ATCAY: variants seen among roughly 807,000 people sequenced by gnomAD.
ATCAY encodes the protein caytaxin.
In ATCAY, 22 loss-of-function variants were observed where a neutral mutation model predicts 47.7. The observed-to-expected ratio is 0.46, with a 90% CI of 0.33 to 0.66. The LOEUF (loss-of-function observed/expected upper bound fraction) is 0.66, where lower values mean the gene tolerates loss of function less well. ATCAY is among the 30% of genes least tolerant of loss of function. The pLI, the probability that ATCAY is intolerant of heterozygous loss-of-function variation, is 0.02. For synonymous variants in ATCAY, 216 were observed against 207.6 expected, an observed-to-expected ratio of 1.04 and a Z score of -0.35; for missense variants, 452 against 515.0, an observed-to-expected ratio of 0.88 and a Z score of 1.18.
At chr19:3,898,734 T>G (rs2038789884) in intron 2 of ATCAY, among the ~76,000 whole-genome samples, 1 of 152,082 alleles carries the variant, frequency 6.6e-6, no homozygotes, top group Non-Finnish European at 1.5e-5. Context: ...CAGGCTGGAG[T>G]GTAGTGGCGT....
chr19:3,898,127 A>G (rs12462810), intron 2 of ATCAY, among the ~76,000 whole-genome samples: 23,482 of 151,898 alleles, frequency 0.15, 1,911 homozygotes, highest in Admixed American at 0.22. Context: ...CCCCAACCCC[A>G]GTGACCACAC....
intron 2 of ATCAY, among the ~76,000 whole-genome samples, chr19:3,891,769 G>C (rs2038720987): frequency 6.6e-6 from 1 of 152,088 alleles, no homozygotes; most frequent in Admixed American, 6.6e-5. Context: ...AGGAGGGTCA[G>C]ATGCAGGGTG....
chr19:3,924,250 T>TGGATGGAG (rs1173598541), intron 12 of ATCAY, among the ~76,000 whole-genome samples: 1 of 150,278 alleles, frequency 6.7e-6, no homozygotes, highest in African/African-American at 2.5e-5. Flanking sequence ...GATGGATGGA[T>TGGATGGAG]GGATGGATGG....
chr19:3,898,805 C>T (rs1025780028), intron 2 of ATCAY, among the ~76,000 whole-genome samples: 1 of 152,074 alleles, frequency 6.6e-6, no homozygotes, highest in Non-Finnish European at 1.5e-5. Context: ...CCTCAGCCTC[C>T]CAAGTAGCTA....
In ATCAY at chr19:3,915,171, A is replaced by C. The variant is rs182768811; in HGVS notation, c.965+1315A>C. Among the ~76,000 whole-genome samples, 3 of 151,816 alleles carry C rather than the reference A, an allele frequency of 2.0e-5. No homozygotes were observed. The East Asian group carries it at 5.8e-4, about 29-fold the overall frequency. Reference sequence around the variant, plus strand: ...TCTTAGCCATTCCTTTTTTAATTTTATTTATTTATTTATTTTTTGAGAAGG... The same window carrying C: ...TCTTAGCCATTCCTTTTTTAATTTTCTTTATTTATTTATTTTTTGAGAAGG... On this transcript the variant is annotated intron_variant, in intron 9 of 12. Transcript: ENST00000450849.
Position 3,910,892 on chromosome 19 carries a change from G to A in ATCAY, c.866+3G>A. ...GCCATCTCTCGCCCTTTCATCAGGT[G>A]AGACGGGGAGGCTGCAACCCAAGTC... is the stretch of plus-strand genomic sequence containing the variant. On this transcript the variant is annotated splice_donor_region_variant and intron_variant, in intron 8 of 12. Coordinates refer to ENST00000450849, the MANE Select transcript of ATCAY (RefSeq NM_033064.5). 2 of 1,614,000 alleles carry A rather than the reference G, an allele frequency of 1.2e-6. No homozygotes were observed. The highest frequency in any genetic ancestry group is 1.7e-6 in the Non-Finnish European group (2 of 1,179,902).
rs1219353093 is a variant in ATCAY, at chr19:3,905,594, G to C, written c.297G>C (p.Glu99Asp). ...TGGATATTAACGTGGATGACATCGA[G>C]ACCCCCGATGAGACCGACTCGCTGG... ...DDLDINVDDI[E>D]TPDETDSLEF... The change falls in exon 4 of 13, where the codon GAG becomes GAC. Residue 99 changes from glutamate to aspartate, a missense_variant. Coordinates refer to ENST00000450849, the MANE Select transcript of ATCAY (RefSeq NM_033064.5). The C allele has an allele frequency of 6.2e-7, 1 of 1,613,792 alleles. No individual in the cohort carries two copies. The highest frequency in any genetic ancestry group is 1.7e-5 in the Admixed American group (1 of 59,952).
At chr19:3,884,509 C>G (rs185683288) in intron 1 of ATCAY, among the ~76,000 whole-genome samples, 1 of 152,210 alleles carries the variant, frequency 6.6e-6, no homozygotes, top group Non-Finnish European at 1.5e-5. Context: ...TTGGCATTCC[C>G]AGCACGGAAG....
intron 6 of ATCAY, 41 bp from the exon 7 acceptor site, chr19:3,909,445 C>T: frequency 6.2e-7 from 1 of 1,601,560 alleles, no homozygotes; most frequent in East Asian, 2.3e-5. Flanking sequence ...GACCCTGGAC[C>T]CCTCCATGTT....
rs555369587 is a variant in ATCAY, at chr19:3,923,939, G to T, written c.1107-644G>T. 1.8e-3 allele frequency among the ~76,000 whole-genome samples: 261 copies of T among 148,564 alleles called. 3 individuals carry two copies. The highest frequency in any genetic ancestry group is 3.2e-3 in the Admixed American group (47 of 14,742). ...GGTTGTATGGTTGGTTGGATGCATG[G>T]ATGGATGGCTAGATGGATGAGTGGG... On this transcript the variant is annotated intron_variant, in intron 12 of 12. Transcript: ENST00000450849.
intron 7 of ATCAY, among the ~76,000 whole-genome samples, chr19:3,910,075 C>T (rs1156851405): frequency 2.0e-5 from 3 of 152,194 alleles, no homozygotes; most frequent in South Asian, 2.1e-4. Context: ...GGCAACAGAG[C>T]GAGACTCTGT....
At chr19:3,924,238 T>TGGAC (rs1007612795) in intron 12 of ATCAY, among the ~76,000 whole-genome samples, 17 of 106,674 alleles carry the variant, frequency 1.6e-4, no homozygotes, top group East Asian at 8.8e-4. Context: ...AGTGTGTGGA[T>TGGAC]GGATGGATGG....
At position 3,896,227 on chromosome 19, in the gene ATCAY, C is replaced by A. The variant is rs1734512571; in HGVS notation, c.78-6260C>A. Among the ~76,000 whole-genome samples the A allele has an allele frequency of 2.7e-5, 4 of 150,434 alleles. No individual in the cohort carries two copies. In the South Asian group the frequency reaches 8.4e-4, roughly 32 times the overall value. ...ACCTAGTTCACAGCCAATGTAGAAT[C>A]TGTGTGGACCATCCAATGTTGTGAG... On this transcript the variant is annotated intron_variant, in intron 2 of 12. Transcript: ENST00000450849.
chr19:3,925,064 G>C lies in ATCAY; in HGVS notation c.*472G>C, dbSNP rs986634598. ...TCCTGTGCCTTTCCCTCCAGAATGC[G>C]GCCTCAGACCTAGAAGCTCAACCCC... On this transcript the variant is annotated 3_prime_UTR_variant, in exon 13 of 13. Transcript: ENST00000450849. The surrounding 1 kb of genome is among the most constrained non-coding windows in gnomAD (Gnocchi z 4.4). The C allele has an allele frequency of 6.4e-6, 1 of 157,024 alleles. No homozygotes were observed. Among genetic ancestry groups the C allele is most frequent in the Non-Finnish European group, 1.4e-5 (1 of 70,992 alleles). 9.7% of individuals were successfully genotyped at this position (157,024 alleles called of 1,614,324 possible). A position where few individuals can be genotyped will look rare whatever the true frequency, so the allele number is the denominator to read the frequency against.
intron 2 of ATCAY, among the ~76,000 whole-genome samples, chr19:3,891,939 G>A (rs1225102273): frequency 6.6e-6 from 1 of 152,050 alleles, no homozygotes; most frequent in South Asian, 2.1e-4. Flanking sequence ...GCCCAGGCTG[G>A]AATGCAATGA....
intron 1 of ATCAY, among the ~76,000 whole-genome samples, chr19:3,882,700 G>A (rs1351205851): frequency 6.6e-6 from 1 of 151,812 alleles, no homozygotes; most frequent in Non-Finnish European, 1.5e-5. Context: ...CTGGAATGTG[G>A]TGGCACAATC....
Position 3,882,807 on chromosome 19 carries a change from ATTTTTG to A in ATCAY, c.-42+1812_-42+1817del, listed in dbSNP as rs538632707. Among the ~76,000 whole-genome samples the A allele has an allele frequency of 5.6e-3, 815 of 146,076 alleles. 2 individuals carry two copies. The highest frequency in any genetic ancestry group is 9.4e-3 in the Non-Finnish European group (626 of 66,478). ...TTCAGGCACCCACCAAATTTAATTAATTTTTGTTTTTGTTTTTGCTTTTCGTAGAGA... is the reference window on the plus strand; with the variant it reads ...TTCAGGCACCCACCAAATTTAATTAATTTTTGTTTTTGCTTTTCGTAGAGA... On this transcript the variant is annotated intron_variant, in intron 1 of 12. Coordinates refer to ENST00000450849, the MANE Select transcript of ATCAY (RefSeq NM_033064.5).
intron 12 of ATCAY, among the ~76,000 whole-genome samples, chr19:3,921,572 G>A (rs996056269): frequency 6.6e-6 from 1 of 151,936 alleles, no homozygotes; most frequent in Non-Finnish European, 1.5e-5. Context: ...TTATCACAGT[G>A]GCATGGTTTA....
intron 2 of ATCAY, chr19:3,895,112 A>T (rs1272587166): frequency 6.6e-6 from 3 of 455,958 alleles, no homozygotes; most frequent in Non-Finnish European, 1.3e-5. Flanking sequence ...CTTCCTTTAT[A>T]TACATGGTCT....
Sources: gnomAD v4.1 joint callset for allele counts (sites outside exome capture counted in the v4.1 genomes callset) on GRCh38, gnomAD v4.1.1 for gene constraint, Gnocchi (gnomAD v3.1) non-coding constraint, MANE v1.5 for transcripts, NCBI Gene and HGNC (gene_info 2026-07-23, HGNC 2026-07-21) for gene names.